The following ARHGEF4 variants were observed in gnomAD, a reference collection of about 807,000 sequenced individuals.
ARHGEF4 encodes the protein Rho guanine nucleotide exchange factor 4.
A neutral mutation model predicts 162.0 loss-of-function variants in ARHGEF4; 119 were observed. That is an observed-to-expected ratio of 0.73 (90% CI 0.63 to 0.86). ARHGEF4 has a LOEUF of 0.86. Ranked by LOEUF, ARHGEF4 falls within the 40% of genes least tolerant of loss-of-function variation. ARHGEF4 has a pLI of 0.00. For missense variants in ARHGEF4, 2,488 were observed against 2,456.0 expected (o/e 1.01, Z -0.28); for synonymous variants, 1,014 against 979.9 (o/e 1.03, Z -0.65).
At chr2:130,961,440 G>A (rs1158765565) in intron 4 of ARHGEF4, among the ~76,000 whole-genome samples, 2 of 152,178 alleles carry the variant, frequency 1.3e-5, no homozygotes, top group Non-Finnish European at 2.9e-5. Context: ...GCCAGGCCCT[G>A]AGGCAAGAAG....
intron 4 of ARHGEF4, among the ~76,000 whole-genome samples, chr2:131,012,217 G>A (rs1226536406): frequency 6.6e-6 from 1 of 152,026 alleles, no homozygotes; most frequent in East Asian, 1.9e-4. Context: ...CAGGGCAGGA[G>A]AGGTGTGGAG....
At chr2:130,907,281 C>G (rs1178493697) in intron 1 of ARHGEF4, among the ~76,000 whole-genome samples, 1 of 120,434 alleles carries the variant, frequency 8.3e-6, no homozygotes, top group African/African-American at 3.1e-5. Flanking sequence ...GTGGCACGAT[C>G]TGGGCTCACT....
rs2105401540 is a variant in ARHGEF4 at position 131,038,845 on chromosome 2, C to G, written c.4126-8C>G. On this transcript the variant is annotated splice_polypyrimidine_tract_variant and splice_region_variant and intron_variant, in intron 5 of 13. Transcript: ENST00000409359. ...CACTGACCCGCCTGCCCGTGGCTCTCTCGGCAGCTCATCAGCGATGGCAGT... is the reference window on the plus strand; with the variant it reads ...CACTGACCCGCCTGCCCGTGGCTCTGTCGGCAGCTCATCAGCGATGGCAGT... The G allele has an allele frequency of 6.3e-7, 1 of 1,599,672 alleles. No homozygotes were observed. Among genetic ancestry groups the G allele is most frequent in the Middle Eastern group, 1.7e-4 (1 of 5,846 alleles).
chr2:130,923,639 T>C (rs1393941180), intron 2 of ARHGEF4, among the ~76,000 whole-genome samples: 2 of 152,136 alleles, frequency 1.3e-5, no homozygotes, highest in African/African-American at 2.4e-5. Context: ...AATAAATTAG[T>C]GAGCGAGTAA....
Position 130,916,106 on chromosome 2 carries a change from A to G in ARHGEF4, c.2160A>G (p.Gln720=). ...AAELGRVLVP[Q]AASEETPSTE... is the part of the protein sequence containing the mutation. ...AGCTTGGGAGAGTGCTGGTCCCCCA[A>G]GCTGCTTCGGAAGAGACGCCGAGCA... The change falls in exon 2 of 14, where the codon CAA becomes CAG. Residue 720 remains glutamine, a synonymous_variant. Transcript: ENST00000409359. The G allele has an allele frequency of 1.9e-6, 3 of 1,549,966 alleles. No individual in the cohort carries two copies. Among genetic ancestry groups the G allele is most frequent in the South Asian group, 1.2e-5 (1 of 84,040 alleles).
chr2:131,041,081 G>A, intron 8 of ARHGEF4, 149 bp from the exon 9 acceptor site: 1 of 671,124 alleles, frequency 1.5e-6, no homozygotes, highest in Admixed American at 2.9e-5. Flanking sequence ...TTATGCCCCA[G>A]GGAAATAGGT....
At chr2:130,925,914 C>A (rs559222535) in intron 2 of ARHGEF4, among the ~76,000 whole-genome samples, 1 of 152,194 alleles carries the variant, frequency 6.6e-6, no homozygotes, top group African/African-American at 2.4e-5. Flanking sequence ...TTTTTCACCC[C>A]AACCCACTTT....
At chr2:131,017,895 C>T (rs1264521931) in intron 4 of ARHGEF4, among the ~76,000 whole-genome samples, 1 of 152,082 alleles carries the variant, frequency 6.6e-6, no homozygotes, top group Non-Finnish European at 1.5e-5. Context: ...AATGTAATTC[C>T]TATCAAAATC....
Position 130,879,810 on chromosome 2 carries a change from G to A in ARHGEF4, c.40-34176G>A, listed in dbSNP as rs377034654. ...TTTTATTTTTTTAAGACAAGGTCTCGCTCTGTCTCCCAGACTGGAGTGCAG... is the reference window on the plus strand; with the variant it reads ...TTTTATTTTTTTAAGACAAGGTCTCACTCTGTCTCCCAGACTGGAGTGCAG... On this transcript the variant is annotated intron_variant, in intron 1 of 13. Coordinates refer to ENST00000409359, the MANE Select transcript of ARHGEF4 (RefSeq NM_001367493.1). 4.0e-5 allele frequency among the ~76,000 whole-genome samples: 6 copies of A among 151,670 alleles called. No homozygotes were observed. In the South Asian group the frequency reaches 6.3e-4, roughly 16 times the overall value.
chr2:130,871,939 G>T (rs1678514240), intron 1 of ARHGEF4, among the ~76,000 whole-genome samples: 1 of 152,222 alleles, frequency 6.6e-6, no homozygotes, highest in Non-Finnish European at 1.5e-5. Flanking sequence ...AGCCTATCCA[G>T]CGTCATGATG....
At chr2:130,972,328 T>C (rs970975248) in intron 4 of ARHGEF4, among the ~76,000 whole-genome samples, 1 of 152,140 alleles carries the variant, frequency 6.6e-6, no homozygotes, top group East Asian at 1.9e-4. Context: ...GAGTTAAAGA[T>C]ACCTTGAAAG....
At chr2:130,887,367 A>C (rs4850260) in intron 1 of ARHGEF4, among the ~76,000 whole-genome samples, 1 of 151,788 alleles carries the variant, frequency 6.6e-6, no homozygotes. Flanking sequence ...AATTTTGATT[A>C]TACCAAATCT....
intron 2 of ARHGEF4, among the ~76,000 whole-genome samples, chr2:130,928,635 G>A (rs1251303074): frequency 4.6e-5 from 7 of 152,226 alleles, no homozygotes; most frequent in South Asian, 2.1e-4. Flanking sequence ...CCTTCCCTGT[G>A]AACTCCAAGT....
intron 1 of ARHGEF4, among the ~76,000 whole-genome samples, chr2:130,888,474 A>G (rs1679659080): frequency 6.6e-6 from 1 of 152,056 alleles, no homozygotes; most frequent in African/African-American, 2.4e-5. Context: ...CCCAAAAAAA[A>G]AAAGTGCTTA....
intron 5 of ARHGEF4, among the ~76,000 whole-genome samples, chr2:131,030,233 C>G (rs542063043): frequency 8.7e-5 from 5 of 57,626 alleles, no homozygotes; most frequent in Admixed American, 5.0e-4. Flanking sequence ...TTGCTGCTGG[C>G]GAAGAGGTGT....
intron 2 of ARHGEF4, among the ~76,000 whole-genome samples, chr2:130,921,230 G>T (rs1346917932): frequency 6.6e-6 from 1 of 152,164 alleles, no homozygotes; most frequent in African/African-American, 2.4e-5. Context: ...GACTGGGTGC[G>T]GTGGCTCACG....
Position 130,946,673 on chromosome 2 carries a change from G to A in ARHGEF4, c.3985+38G>A, listed in dbSNP as rs185258116. ...CCTCTCTCTTTTGCTATGTACTCTG[G>A]ATCCTGGCATGAAGGACAAGAAGCT... is the stretch of plus-strand genomic sequence containing the variant. On this transcript the variant is annotated intron_variant, in intron 4 of 13. Coordinates refer to ENST00000409359, the MANE Select transcript of ARHGEF4 (RefSeq NM_001367493.1). 6.4e-4 allele frequency: 1,033 copies of A among 1,611,496 alleles called. 7 individuals are homozygous for A. The African/African-American group carries it at 0.012, about 19-fold the overall frequency.
chr2:131,004,019 A>C (rs190239238), intron 4 of ARHGEF4, among the ~76,000 whole-genome samples: 25 of 151,996 alleles, frequency 1.6e-4, no homozygotes, highest in African/African-American at 6.0e-4. Context: ...GAGGATCTTC[A>C]CTCCCTACAT....
At position 130,914,999 on chromosome 2, in the gene ARHGEF4, C is replaced by T. The variant is rs1435295662; in HGVS notation, c.1053C>T (p.Pro351=). ...TTTCACCAGAGTGCCCCGAGGATCC[C>T]GTGGGACAGAATGTTGTGAAGTCTG... is the stretch of plus-strand genomic sequence containing the variant. ...AGFSPECPED[P]VGQNVVKSGT... Residue 351 remains proline, a synonymous_variant, in exon 2 of 14, where the codon CCC becomes CCT. Coordinates refer to ENST00000409359, the MANE Select transcript of ARHGEF4 (RefSeq NM_001367493.1). The T allele has an allele frequency of 5.8e-6, 9 of 1,550,456 alleles. No individual in the cohort carries two copies. Among genetic ancestry groups the T allele is most frequent in the South Asian group, 3.6e-5 (3 of 84,056 alleles).
Sources: allele counts gnomAD v4.1 joint callset (sites outside exome capture counted in the v4.1 genomes callset), GRCh38; gene constraint gnomAD v4.1.1; transcripts MANE v1.5; gene names NCBI Gene and HGNC (gene_info 2026-07-23, HGNC 2026-07-21).